LRRFIP2: variants seen among roughly 807,000 people sequenced by gnomAD.
LRRFIP2 encodes the protein LRR binding FLII interacting protein 2.
Under a neutral mutation model 125.9 loss-of-function variants are expected in LRRFIP2, and 109 were observed. The ratio of observed to expected loss-of-function variants is 0.87; its 90% CI spans 0.74 to 1.01. LRRFIP2 has a LOEUF of 1.01. Ranked by LOEUF, LRRFIP2 falls within the 50% of genes least tolerant of loss-of-function variation. The pLI is 0.00. For synonymous variants in LRRFIP2, 291 were observed against 293.1 expected (o/e 0.99, Z 0.07); for missense variants, 850 against 862.3 (o/e 0.99, Z 0.18).
intron 18 of LRRFIP2, among the ~76,000 whole-genome samples, chr3:37,089,171 A>G (rs1166915106): frequency 6.6e-6 from 1 of 152,152 alleles, no homozygotes; most frequent in Non-Finnish European, 1.5e-5. Context: ...TATTAATTTT[A>G]ATAGTTTTTA....
chr3:37,140,986 C>A (rs1230414021), intron 2 of LRRFIP2, among the ~76,000 whole-genome samples: 2 of 152,078 alleles, frequency 1.3e-5, no homozygotes, highest in Non-Finnish European at 2.9e-5. Flanking sequence ...AGCTTCGTGA[C>A]CAGCCTAGGC....
intron 23 of LRRFIP2, 172 bp downstream of exon 23, chr3:37,065,637 CA>C (rs781202731): frequency 7.6e-5 from 61 of 804,766 alleles, no homozygotes; most frequent in African/African-American, 7.3e-4. Flanking sequence ...GCTGATTTCC[CA>C]AGGTCAAGGA....
At chr3:37,157,911 T>C (rs2096244176) in intron 1 of LRRFIP2, among the ~76,000 whole-genome samples, 1 of 152,248 alleles carries the variant, frequency 6.6e-6, no homozygotes, top group African/African-American at 2.4e-5. Context: ...GTCCTAAGAA[T>C]TATCAAAAAT....
At chr3:37,171,606 C>T (rs1170842290) in intron 1 of LRRFIP2, among the ~76,000 whole-genome samples, 7 of 152,166 alleles carry the variant, frequency 4.6e-5, no homozygotes, top group Non-Finnish European at 7.3e-5. Flanking sequence ...CTCCTTCCTG[C>T]CTTGAGAAAG....
intron 12 of LRRFIP2, 98 bp downstream of exon 12, chr3:37,108,539 A>G (rs922127028): frequency 1.0e-6 from 1 of 956,114 alleles, no homozygotes; most frequent in African/African-American, 1.7e-5. Context: ...TTCTTTGTAT[A>G]TTTTTCTTTT....
chr3:37,069,770 T>C (rs1357237687), intron 21 of LRRFIP2, among the ~76,000 whole-genome samples: 3 of 152,216 alleles, frequency 2.0e-5, no homozygotes, highest in Non-Finnish European at 4.4e-5. Flanking sequence ...CGTGATTCAA[T>C]AACTTGGAAG....
chr3:37,156,790 G>A (rs2096213561), intron 1 of LRRFIP2, among the ~76,000 whole-genome samples: 1 of 150,728 alleles, frequency 6.6e-6, no homozygotes. Context: ...GGAAGGCAGA[G>A]GTAATCATAG....
chr3:37,126,454 T>C (rs2149641947), intron 4 of LRRFIP2, among the ~76,000 whole-genome samples: 1 of 152,258 alleles, frequency 6.6e-6, no homozygotes, highest in South Asian at 2.1e-4. Flanking sequence ...AATCAAGACT[T>C]GGATTAGTCA....
In LRRFIP2 at chr3:37,082,415, G is replaced by C. The variant is rs531172167; in HGVS notation, c.1278+1221C>G. 3.7e-4 allele frequency among the ~76,000 whole-genome samples: 57 copies of C among 152,220 alleles called. No homozygotes were observed. In the South Asian group the frequency reaches 0.012, roughly 31 times the overall value. On this transcript the variant is annotated intron_variant, in intron 19 of 27. Coordinates refer to ENST00000336686, the MANE Select transcript of LRRFIP2 (RefSeq NM_006309.4). ...AGTAAAATTATGTTTAAAGTACAGA[G>C]AGTTTTCATATACTCCCTGTCCCCA...
chr3:37,133,197 C>T (rs1393307588), intron 2 of LRRFIP2, among the ~76,000 whole-genome samples: 1 of 152,198 alleles, frequency 6.6e-6, no homozygotes, highest in Non-Finnish European at 1.5e-5. Flanking sequence ...TGCACTCCAG[C>T]CTGGGCAACA....
At chr3:37,115,876 C>T (rs1388945393) in intron 6 of LRRFIP2, among the ~76,000 whole-genome samples, 4 of 152,134 alleles carry the variant, frequency 2.6e-5, no homozygotes, top group South Asian at 2.1e-4. Context: ...TTTCACACAT[C>T]GTTTCTTAAG....
At chr3:37,132,675 G>GA (rs1332232132) in intron 2 of LRRFIP2, among the ~76,000 whole-genome samples, 6 of 152,172 alleles carry the variant, frequency 3.9e-5, no homozygotes, top group South Asian at 2.1e-4. Context: ...GGATAAGCAG[G>GA]AGTAGCAAGG....
intron 15 of LRRFIP2, among the ~76,000 whole-genome samples, chr3:37,102,049 A>G (rs1179573167): frequency 1.3e-5 from 2 of 152,226 alleles, no homozygotes; most frequent in African/African-American, 4.8e-5. Flanking sequence ...ACTAAGTGCT[A>G]TATTTCATTA....
At chr3:37,114,528 A>T (rs1387920905) in intron 7 of LRRFIP2, among the ~76,000 whole-genome samples, 2 of 152,162 alleles carry the variant, frequency 1.3e-5, no homozygotes, top group Non-Finnish European at 2.9e-5. Context: ...CACATATGTA[A>T]TCCCATCACT....
chr3:37,119,095 C>G (rs891900586), intron 6 of LRRFIP2, among the ~76,000 whole-genome samples: 1 of 152,112 alleles, frequency 6.6e-6, no homozygotes, highest in Non-Finnish European at 1.5e-5. Context: ...CCAGGAAAGT[C>G]TAAACATTTA....
chr3:37,100,156 G>A (rs1048491761), intron 15 of LRRFIP2, among the ~76,000 whole-genome samples: 1 of 151,996 alleles, frequency 6.6e-6, no homozygotes, highest in Non-Finnish European at 1.5e-5. Context: ...GCAAAATTAA[G>A]GATAAGGTAC....
chr3:37,056,784 A>G (rs1318736426), intron 25 of LRRFIP2, among the ~76,000 whole-genome samples: 2 of 152,158 alleles, frequency 1.3e-5, no homozygotes, highest in East Asian at 3.8e-4. Context: ...CATCTCCCCA[A>G]AAGCCATATC....
intron 26 of LRRFIP2, among the ~76,000 whole-genome samples, 164 bp from the exon 27 acceptor site, chr3:37,054,679 A>G (rs2086292001): frequency 6.6e-6 from 1 of 152,208 alleles, no homozygotes; most frequent in Admixed American, 6.5e-5. Flanking sequence ...CTATTTATAA[A>G]TCAAGTAATG....
At chr3:37,138,716 C>T (rs1025058171) in intron 2 of LRRFIP2, among the ~76,000 whole-genome samples, 1 of 152,160 alleles carries the variant, frequency 6.6e-6, no homozygotes, top group African/African-American at 2.4e-5. Context: ...CACACACTGG[C>T]TATAACTTCT....
Sources: gnomAD v4.1 joint callset for allele counts (sites outside exome capture counted in the v4.1 genomes callset) on GRCh38, gnomAD v4.1.1 for gene constraint, MANE v1.5 for transcripts, NCBI Gene and HGNC (gene_info 2026-07-23, HGNC 2026-07-21) for gene names.